SLC2A13: variants seen among roughly 807,000 people sequenced by gnomAD.
SLC2A13 encodes solute carrier family 2 member 13.
A neutral mutation model predicts 64.4 loss-of-function variants in SLC2A13; 32 were observed. The ratio of observed to expected loss-of-function variants is 0.50; its 90% CI spans 0.37 to 0.67. SLC2A13 has a LOEUF of 0.67. Among genes scored for constraint, SLC2A13 ranks in the 30% least tolerant of loss-of-function variants. The probability of loss-of-function intolerance (pLI) is 0.00; values close to 1 mark genes in which losing one functional copy is unlikely to be tolerated. For synonymous variants in SLC2A13, 338 were observed against 327.1 expected (o/e 1.03, Z -0.36); for missense variants, 743 against 829.2 (o/e 0.90, Z 1.28).
chr12:40,101,967 C>T (rs972402121), intron 1 of SLC2A13, among the ~76,000 whole-genome samples: 1 of 151,996 alleles, frequency 6.6e-6, no homozygotes, highest in Non-Finnish European at 1.5e-5. Context: ...AGGTCTCGAA[C>T]ATACTAAAGC....
In SLC2A13 at chr12:39,756,341, G is replaced by A. The variant is rs1428245281; in HGVS notation, c.*3685C>T. On this transcript the variant is annotated 3_prime_UTR_variant, in exon 10 of 10. Transcript: ENST00000280871. The stretch of plus-strand genomic sequence containing the variant: ...ATAGATACTGAAAAGGTCTTAATTT[G>A]GTAATTAAAAACTTGTCACAACAAG... 6.6e-6 allele frequency: 1 copy of A among 151,590 alleles called. No homozygotes were observed. Among genetic ancestry groups the A allele is most frequent in the Non-Finnish European group, 1.5e-5 (1 of 67,672 alleles). The allele number at this position is 151,590 out of a possible 1,614,324, so 9.4% of individuals were successfully genotyped here.
At chr12:39,981,514 A>T (rs1946898004) in intron 3 of SLC2A13, among the ~76,000 whole-genome samples, 1 of 149,278 alleles carries the variant, frequency 6.7e-6, no homozygotes, top group Non-Finnish European at 1.5e-5. Flanking sequence ...ATCCCACAGA[A>T]ATACAAACTA....
intron 6 of SLC2A13, among the ~76,000 whole-genome samples, chr12:39,839,003 A>G (rs2135868380): frequency 6.6e-6 from 1 of 152,088 alleles, no homozygotes; most frequent in South Asian, 2.1e-4. Flanking sequence ...GTCCAATTTC[A>G]TTTTCTGCAG....
chr12:40,105,113 C>T lies in SLC2A13; in HGVS notation c.556+140G>A. The stretch of plus-strand genomic sequence containing the variant: ...GAGGCTGGACCAACAAACAGATGGG[C>T]TCTGGAGGCCAGAGAAGTGGAGGAT... On this transcript the variant is annotated intron_variant, in intron 1 of 9. Transcript: ENST00000280871. The surrounding 1 kb of genome is among the most constrained non-coding windows in gnomAD (Gnocchi z 4.2). 8.2e-7 allele frequency: 1 copy of T among 1,224,286 alleles called. No homozygotes were observed. The highest frequency in any genetic ancestry group is 1.0e-6 in the Non-Finnish European group (1 of 972,894). 75.8% of individuals were successfully genotyped at this position (1,224,286 alleles called of 1,614,324 possible). A position where few individuals can be genotyped will look rare whatever the true frequency, so the allele number is the denominator to read the frequency against.
At chr12:39,976,582 CTG>C (rs1946763376) in intron 3 of SLC2A13, among the ~76,000 whole-genome samples, 1 of 150,724 alleles carries the variant, frequency 6.6e-6, no homozygotes, top group Non-Finnish European at 1.5e-5. Flanking sequence ...TTTTTAAAGA[CTG>C]GGGGGGTCTC....
At chr12:39,782,937 T>C (rs746425085) in intron 7 of SLC2A13, among the ~76,000 whole-genome samples, 6 of 152,150 alleles carry the variant, frequency 3.9e-5, no homozygotes, top group Non-Finnish European at 8.8e-5. Flanking sequence ...TTGTTATGTA[T>C]GTATACATGT....
In SLC2A13 at chr12:39,930,123, T is replaced by C. The variant is rs529599676; in HGVS notation, c.1034+21134A>G. The stretch of plus-strand genomic sequence containing the variant: ...TCCAGCCTGGGTGACAGAGTGAGAC[T>C]TCGTCTCAAAAAAAAAAAAAAACCA... On this transcript the variant is annotated intron_variant, in intron 4 of 9. Transcript: ENST00000280871. Among the ~76,000 whole-genome samples, 716 of 148,556 alleles carry C rather than the reference T, an allele frequency of 4.8e-3. 13 individuals are homozygous for C. The highest frequency in any genetic ancestry group is 0.017 in the African/African-American group (697 of 39,948).
chr12:39,984,109 C>T (rs1946978989), intron 3 of SLC2A13, among the ~76,000 whole-genome samples: 2 of 149,402 alleles, frequency 1.3e-5, no homozygotes. Context: ...TATTCTCACT[C>T]ATAGGTGGGA....
At chr12:39,982,864 T>C (rs74872644) in intron 3 of SLC2A13, among the ~76,000 whole-genome samples, 25,720 of 98,282 alleles carry the variant, frequency 0.26, 2,690 homozygotes, top group Middle Eastern at 0.31. Context: ...GAGCCCGCAT[T>C]GCCAAGTCAA....
intron 1 of SLC2A13, among the ~76,000 whole-genome samples, chr12:40,098,117 G>A (rs1415914855): frequency 6.6e-6 from 1 of 151,574 alleles, no homozygotes; most frequent in Non-Finnish European, 1.5e-5. Context: ...ATATGTGTGT[G>A]TATATATAGG....
chr12:40,007,181 A>T (rs1007170111), intron 3 of SLC2A13, among the ~76,000 whole-genome samples: 2 of 152,190 alleles, frequency 1.3e-5, no homozygotes, highest in African/African-American at 4.8e-5. Context: ...GGGCACATAG[A>T]TGCTGCGAGA....
At chr12:39,807,018 G>T (rs1021332510) in intron 7 of SLC2A13, among the ~76,000 whole-genome samples, 8 of 152,174 alleles carry the variant, frequency 5.3e-5, no homozygotes, top group Non-Finnish European at 1.0e-4. Flanking sequence ...AGATGACAAC[G>T]TTCCAGAAAT....
intron 4 of SLC2A13, among the ~76,000 whole-genome samples, chr12:39,933,051 C>T (rs924305551): frequency 6.6e-6 from 1 of 151,188 alleles, no homozygotes; most frequent in African/African-American, 2.4e-5. Flanking sequence ...CATGGTGGAA[C>T]CCTGTCTCTA....
intron 4 of SLC2A13, among the ~76,000 whole-genome samples, chr12:39,928,448 AT>A (rs1945765347): frequency 6.6e-6 from 1 of 152,208 alleles, no homozygotes. Context: ...AACATGAGGA[AT>A]AAAGAAAATA....
At chr12:39,944,759 G>A (rs766884112) in intron 4 of SLC2A13, among the ~76,000 whole-genome samples, 62 of 152,126 alleles carry the variant, frequency 4.1e-4, no homozygotes, top group Non-Finnish European at 8.4e-4. Context: ...TCCTGAAAGC[G>A]GCAGATAGTT....
chr12:39,939,617 A>G (rs1305807185), intron 4 of SLC2A13, among the ~76,000 whole-genome samples: 5 of 152,200 alleles, frequency 3.3e-5, no homozygotes, highest in Admixed American at 2.0e-4. Flanking sequence ...CATAACCTAG[A>G]TTGTCTTTCT....
At chr12:40,026,818 G>A (rs558869781) in intron 3 of SLC2A13, among the ~76,000 whole-genome samples, 1 of 152,088 alleles carries the variant, frequency 6.6e-6, no homozygotes, top group East Asian at 1.9e-4. Context: ...GGTGGCTCAC[G>A]CCTGTAATCC....
At position 39,805,770 on chromosome 12, in the gene SLC2A13, G is replaced by T. The variant is rs115800175; in HGVS notation, c.1445+24333C>A. ...CTTAGGTATCAATGAAACCAGATCT[G>T]AGTGGGCAAGTCAGAGTTGAGGTTT... On this transcript the variant is annotated intron_variant, in intron 7 of 9. Coordinates refer to ENST00000280871, the MANE Select transcript of SLC2A13 (RefSeq NM_052885.4). Among the ~76,000 whole-genome samples the T allele has an allele frequency of 3.0e-3, 460 of 152,318 alleles. 1 individual carries two copies. The highest frequency in any genetic ancestry group is 0.011 in the African/African-American group (437 of 41,574).
chr12:40,105,112 G>C lies in SLC2A13; in HGVS notation c.556+141C>G, dbSNP rs943951242. ...GGAGGCTGGACCAACAAACAGATGG[G>C]CTCTGGAGGCCAGAGAAGTGGAGGA... On this transcript the variant is annotated intron_variant, in intron 1 of 9. Transcript: ENST00000280871. The surrounding 1 kb of genome is among the most constrained non-coding windows in gnomAD (Gnocchi z 4.2). 6.5e-6 allele frequency: 9 copies of C among 1,391,812 alleles called. No homozygotes were observed. In the Admixed American group the frequency reaches 2.6e-4, roughly 40 times the overall value. 86.2% of individuals were successfully genotyped at this position (1,391,812 alleles called of 1,614,324 possible). A position where few individuals can be genotyped will look rare whatever the true frequency, so the allele number is the denominator to read the frequency against.
Sources: allele counts gnomAD v4.1 joint callset (sites outside exome capture counted in the v4.1 genomes callset), GRCh38; gene constraint gnomAD v4.1.1; non-coding constraint Gnocchi (gnomAD v3.1); transcripts MANE v1.5; gene names NCBI Gene and HGNC (gene_info 2026-07-23, HGNC 2026-07-21).